RFX3: variants seen among roughly 807,000 people sequenced by gnomAD.
RFX3 encodes the protein regulatory factor X3.
In RFX3, 14 loss-of-function variants were observed where a neutral mutation model predicts 98.6. The observed-to-expected ratio is 0.14, with a 90% confidence interval of 0.09 to 0.22. The LOEUF is 0.22. Among genes scored for constraint, RFX3 ranks in the 10% least tolerant of loss-of-function variants. The probability of loss-of-function intolerance (pLI) is 1.00; values close to 1 mark genes in which losing one functional copy is unlikely to be tolerated. For synonymous variants in RFX3, 383 were observed against 328.4 expected, an observed-to-expected ratio of 1.17 and a Z score of -1.80; for missense variants, 639 against 926.9, an observed-to-expected ratio of 0.69 and a Z score of 4.03.
intron 11 of RFX3, among the ~76,000 whole-genome samples, chr9:3,267,995 A>G (rs1407495384): frequency 6.6e-6 from 1 of 151,844 alleles, no homozygotes; most frequent in African/African-American, 2.4e-5. Flanking sequence ...GATAAATTTA[A>G]TGCAAGGGCA....
chr9:3,312,038 G>C (rs574927155), intron 4 of RFX3, among the ~76,000 whole-genome samples: 1 of 152,236 alleles, frequency 6.6e-6, no homozygotes, highest in East Asian at 1.9e-4. Flanking sequence ...TGCAACTAAT[G>C]GGTTACAGAA....
chr9:3,472,869 G>C (rs891069655), intron 1 of RFX3, among the ~76,000 whole-genome samples: 1 of 152,104 alleles, frequency 6.6e-6, no homozygotes, highest in African/African-American at 2.4e-5. Context: ...ACATTATGTA[G>C]TTTTCTATTA....
intron 1 of RFX3, among the ~76,000 whole-genome samples, chr9:3,503,969 G>A (rs1464040488): frequency 6.6e-6 from 1 of 151,156 alleles, no homozygotes; most frequent in East Asian, 1.9e-4. Context: ...AACACTTCAT[G>A]TGCACACGCT....
chr9:3,413,901 T>C (rs939571594), intron 1 of RFX3, among the ~76,000 whole-genome samples: 1 of 152,042 alleles, frequency 6.6e-6, no homozygotes, highest in African/African-American at 2.4e-5. Flanking sequence ...ACATGAAGAA[T>C]GGTAAGGCTA....
intron 14 of RFX3, among the ~76,000 whole-genome samples, chr9:3,252,179 C>G (rs1821500345): frequency 6.6e-6 from 1 of 152,192 alleles, no homozygotes; most frequent in Non-Finnish European, 1.5e-5. Context: ...TTTCTGATAT[C>G]ATTTTAGAAA....
intron 2 of RFX3, among the ~76,000 whole-genome samples, chr9:3,374,778 T>C (rs929364624): frequency 2.0e-5 from 3 of 152,076 alleles, no homozygotes; most frequent in African/African-American, 4.8e-5. Context: ...TGCACAACAA[T>C]GTGAATGTAA....
chr9:3,513,961 TA>T (rs1817890604), intron 1 of RFX3, among the ~76,000 whole-genome samples: 1 of 152,204 alleles, frequency 6.6e-6, no homozygotes, highest in Non-Finnish European at 1.5e-5. Flanking sequence ...CTTCTAAAAA[TA>T]AGGAGATCAA....
At chr9:3,336,418 A>C (rs1039305596) in intron 3 of RFX3, among the ~76,000 whole-genome samples, 2 of 152,186 alleles carry the variant, frequency 1.3e-5, no homozygotes, top group African/African-American at 4.8e-5. Flanking sequence ...AAAAAAATAC[A>C]ATATAAAAGT....
chr9:3,287,580 G>C (rs1826791501), intron 7 of RFX3, among the ~76,000 whole-genome samples: 2 of 151,836 alleles, frequency 1.3e-5, no homozygotes, highest in Non-Finnish European at 2.9e-5. Context: ...TCAAATCTAA[G>C]ATCTATGATT....
chr9:3,371,965 A>C (rs149469847), intron 2 of RFX3, among the ~76,000 whole-genome samples: 74 of 152,322 alleles, frequency 4.9e-4, no homozygotes, highest in African/African-American at 1.8e-3. Context: ...CATATCTTTG[A>C]AAATGTTTAG....
chr9:3,355,879 A>G (rs1835689789), intron 2 of RFX3, among the ~76,000 whole-genome samples: 1 of 151,922 alleles, frequency 6.6e-6, no homozygotes, highest in Non-Finnish European at 1.5e-5. Flanking sequence ...GGACAAAAAG[A>G]TATCTTAAAA....
chr9:3,314,898 G>A (rs906839016), intron 4 of RFX3, among the ~76,000 whole-genome samples: 1 of 152,090 alleles, frequency 6.6e-6, no homozygotes, highest in South Asian at 2.1e-4. Flanking sequence ...CCTACAAAGA[G>A]ACTTAGACAT....
chr9:3,435,583 A>G (rs1167103394), intron 1 of RFX3, among the ~76,000 whole-genome samples: 1 of 151,880 alleles, frequency 6.6e-6, no homozygotes, highest in Non-Finnish European at 1.5e-5. Context: ...TCATGACTGC[A>G]TTTTATTTAT....
chr9:3,519,849 T>G (rs1818527437), intron 1 of RFX3, among the ~76,000 whole-genome samples: 1 of 151,066 alleles, frequency 6.6e-6, no homozygotes, highest in South Asian at 2.1e-4. Flanking sequence ...AAACTACAAA[T>G]ATAAAGATTT....
intron 15 of RFX3, among the ~76,000 whole-genome samples, chr9:3,246,079 G>A (rs746116998): frequency 6.6e-6 from 1 of 152,188 alleles, no homozygotes. Context: ...TGTTGTATGA[G>A]GAGATCAAAC....
intron 1 of RFX3, among the ~76,000 whole-genome samples, chr9:3,412,648 T>C (rs34651968): frequency 0.048 from 7,364 of 152,200 alleles, 217 homozygotes; most frequent in Middle Eastern, 0.092. Flanking sequence ...AGATGCAACA[T>C]GGTTGCAGTA....
At chr9:3,263,420 A>G (rs1283853964) in intron 12 of RFX3, among the ~76,000 whole-genome samples, 5 of 152,042 alleles carry the variant, frequency 3.3e-5, no homozygotes, top group Non-Finnish European at 7.4e-5. Flanking sequence ...GTTGGTTTTC[A>G]TTTCTTTTTT....
intron 15 of RFX3, among the ~76,000 whole-genome samples, chr9:3,230,551 T>C (rs1818322536): frequency 6.6e-6 from 1 of 152,194 alleles, no homozygotes; most frequent in African/African-American, 2.4e-5. Context: ...TTAAAGAATA[T>C]AATCTAAACA....
At chr9:3,502,431 A>G (rs926495852) in intron 1 of RFX3, among the ~76,000 whole-genome samples, 4 of 152,222 alleles carry the variant, frequency 2.6e-5, no homozygotes, top group African/African-American at 9.7e-5. Context: ...GCCACATCAT[A>G]TTATGAATGC....
Sources: allele counts gnomAD v4.1 joint callset (sites outside exome capture counted in the v4.1 genomes callset), GRCh38; gene constraint gnomAD v4.1.1; transcripts MANE v1.5; gene names NCBI Gene and HGNC (gene_info 2026-07-23, HGNC 2026-07-21).